The following USH1C variants were observed in gnomAD, a reference collection of about 807,000 sequenced individuals.
USH1C encodes the protein USH1 protein network component harmonin, also known as harmonin.
A neutral mutation model predicts 119.3 loss-of-function variants in USH1C; 90 were observed. The observed-to-expected ratio is 0.75, with a 90% CI of 0.64 to 0.90. The LOEUF (loss-of-function observed/expected upper bound fraction) is 0.90, where lower values mean the gene tolerates loss of function less well. Among genes scored for constraint, USH1C ranks in the 40% least tolerant of loss-of-function variants. USH1C has a pLI of 0.00. For synonymous variants in USH1C, 465 were observed against 443.3 expected (o/e 1.05, Z -0.62); for missense variants, 1,165 against 1,167.7 (o/e 1.00, Z 0.03).
intron 1 of USH1C, among the ~76,000 whole-genome samples, chr11:17,542,497 CTG>C (rs1335327228): frequency 1.3e-5 from 2 of 152,228 alleles, no homozygotes; most frequent in African/African-American, 4.8e-5. Context: ...TAAGTAATGA[CTG>C]TTGCGATGAG....
intron 14 of USH1C, chr11:17,516,576 C>T (rs971149937): frequency 1.1e-5 from 5 of 471,712 alleles, no homozygotes; most frequent in Admixed American, 3.3e-5. Flanking sequence ...AGGGCCAGAA[C>T]ATCAAAGAGA....
At chr11:17,533,147 G>C (rs373059046) in intron 2 of USH1C, 108 bp downstream of exon 2, 3 of 834,098 alleles carry the variant, frequency 3.6e-6, no homozygotes, top group Non-Finnish European at 6.4e-6. Flanking sequence ...TCCAGGAGCC[G>C]TGAGCATCCA....
intron 17 of USH1C, among the ~76,000 whole-genome samples, 187 bp from the exon 18 acceptor site, chr11:17,510,025 G>T (rs756654873): frequency 3.8e-4 from 58 of 152,184 alleles, no homozygotes; most frequent in Admixed American, 1.2e-3. Context: ...CTAGGCTGCT[G>T]TTAGGGAGTG....
chr11:17,495,164 T>A (rs1849201808), intron 26 of USH1C: 1 of 287,694 alleles, frequency 3.5e-6, no homozygotes, highest in Non-Finnish European at 6.8e-6. Context: ...GTTGAGGACA[T>A]CTCTTGGGGG....
chr11:17,506,204 G>A (rs1849643192), intron 18 of USH1C, among the ~76,000 whole-genome samples: 1 of 152,186 alleles, frequency 6.6e-6, no homozygotes, highest in Non-Finnish European at 1.5e-5. Flanking sequence ...GCCTGGCTTG[G>A]GGGTGCCAGC....
chr11:17,509,338 G>A lies in USH1C; in HGVS notation c.2013+18C>T, dbSNP rs376298551. The A allele has an allele frequency of 1.9e-6, 3 of 1,554,036 alleles. No individual in the cohort carries two copies. The highest frequency in any genetic ancestry group is 2.6e-6 in the Non-Finnish European group (3 of 1,144,666). On this transcript the variant is annotated intron_variant, in intron 18 of 26. Transcript: ENST00000005226. ...CTCTTCCTACTTCCAAACATAGCAT[G>A]CAGAACAGGGACATTACCTTTGGGG...
rs1427085382 is a variant in USH1C at position 17,524,498 on chromosome 11, TA to T, written c.711del (p.Phe237LeufsTer5). ...AGGGAGCCAGGTTTCACATGGCTGA[TA>T]AAGATGCCAGGCTTCTGGATGGGGC... is the stretch of plus-strand genomic sequence containing the variant. ...SSGPIQKPGI[F>X]ISHVKPGSLS... On this transcript the variant is annotated frameshift_variant, in exon 9 of 27. Coordinates refer to ENST00000005226, the MANE Select transcript of USH1C (RefSeq NM_153676.4). LOFTEE classifies it high-confidence loss of function. 6.4e-7 allele frequency: 1 copy of T among 1,573,028 alleles called. No individual in the cohort carries two copies. Among genetic ancestry groups the T allele is most frequent in the Non-Finnish European group, 8.6e-7 (1 of 1,157,468 alleles).
At chr11:17,533,387 G>T in intron 1 of USH1C, 65 bp from the exon 2 acceptor site, 2 of 1,200,640 alleles carry the variant, frequency 1.7e-6, no homozygotes, top group Non-Finnish European at 2.4e-6. Context: ...CAGACCTCAG[G>T]GAGGAGAGGT....
chr11:17,521,561 T>C (rs1183907890), intron 12 of USH1C, 150 bp from the exon 13 acceptor site: 3 of 778,252 alleles, frequency 3.9e-6, no homozygotes, highest in African/African-American at 1.7e-5. Context: ...TGGGGGACGT[T>C]ATCTAACAAA....
At position 17,509,845 on chromosome 11, in the gene USH1C, G is replaced by A. The variant is rs748196896; in HGVS notation, c.1531-7C>T. 1.3e-6 allele frequency: 2 copies of A among 1,589,608 alleles called. No homozygotes were observed. The highest frequency in any genetic ancestry group is 3.4e-5 in the Admixed American group (2 of 59,636). On this transcript the variant is annotated splice_polypyrimidine_tract_variant and splice_region_variant and intron_variant, in intron 17 of 26. Transcript: ENST00000005226. The stretch of plus-strand genomic sequence containing the variant: ...GCGGGGGCCCTGTGGTCATCTGGGG[G>A]TGTTGCAAGGAAGTTCTGTAATTGT...
At chr11:17,539,954 C>G (rs1237639375) in intron 1 of USH1C, among the ~76,000 whole-genome samples, 4 of 151,782 alleles carry the variant, frequency 2.6e-5, no homozygotes, top group East Asian at 1.9e-4. Flanking sequence ...GCCTCAACCT[C>G]TCAAGTAGCT....
intron 1 of USH1C, among the ~76,000 whole-genome samples, chr11:17,537,337 G>A (rs906152149): frequency 6.6e-6 from 1 of 152,162 alleles, no homozygotes; most frequent in Admixed American, 6.5e-5. Context: ...TACATACGAA[G>A]CACTAGGCAC....
chr11:17,513,605 G>T (rs1356534972), intron 15 of USH1C, among the ~76,000 whole-genome samples: 1 of 152,160 alleles, frequency 6.6e-6, no homozygotes, highest in African/African-American at 2.4e-5. Flanking sequence ...AGCCTCTCGA[G>T]AAAATGGTTC....
chr11:17,507,211 G>A (rs1022872082), intron 18 of USH1C, among the ~76,000 whole-genome samples: 27 of 152,206 alleles, frequency 1.8e-4, no homozygotes, highest in African/African-American at 6.5e-4. Context: ...AGGAGGGTGG[G>A]TGGTACAAGG....
rs568323406 is a variant in USH1C at position 17,532,577 on chromosome 11, G to C, written c.104+678C>G. Among the ~76,000 whole-genome samples the C allele has an allele frequency of 6.6e-5, 10 of 152,310 alleles. 1 individual carries two copies. The South Asian group carries it at 2.1e-3, about 32-fold the overall frequency. On this transcript the variant is annotated intron_variant, in intron 2 of 26. Transcript: ENST00000005226. ...AGCTTCTCAAAGTTCTGGGATTACA[G>C]GCATGAGCCACCTTGCCTGGCCCCA...
At chr11:17,526,900 C>T in intron 6 of USH1C, 90 bp from the exon 7 acceptor site, 1 of 1,580,618 alleles carries the variant, frequency 6.3e-7, no homozygotes, top group East Asian at 2.3e-5. Flanking sequence ...TGTCTAGAGC[C>T]TCCAGCCTCC....
chr11:17,516,098 C>T (rs994446529), intron 15 of USH1C, 143 bp downstream of exon 15: 2 of 931,626 alleles, frequency 2.1e-6, no homozygotes, highest in Admixed American at 2.0e-5. Flanking sequence ...CAGCCTGACA[C>T]AAAGATGGAG....
chr11:17,520,910 G>C lies in USH1C; in HGVS notation c.1170C>G (p.Ile390Met), dbSNP rs1255544561. Reference sequence around the variant, plus strand: ...GGGGTACTGGGTGTACCTCAGCAGTGATGGTTTTAGGCAAGAGTAGCTGTT... The same window carrying C: ...GGGGTACTGGGTGTACCTCAGCAGTCATGGTTTTAGGCAAGAGTAGCTGTT... ...SKEQLLLPKT[I>M]TAEVHPVPLR... Residue 390 changes from isoleucine (I) to methionine (M), a missense_variant, in exon 14 of 27, where the codon ATC becomes ATG. By Grantham distance (10) the Ile-to-Met change is conservative (BLOSUM62 1). Coordinates refer to ENST00000005226, the MANE Select transcript of USH1C (RefSeq NM_153676.4). The C allele has an allele frequency of 6.2e-7, 1 of 1,614,022 alleles. No homozygotes were observed. Among genetic ancestry groups the C allele is most frequent in the Admixed American group, 1.7e-5 (1 of 60,002 alleles).
intron 26 of USH1C, chr11:17,494,930 G>T (rs756247619): frequency 4.5e-6 from 1 of 222,140 alleles, no homozygotes; most frequent in Non-Finnish European, 9.0e-6. Context: ...ATAGAGCCCA[G>T]AGCCAAGGAA....
Sources: allele counts gnomAD v4.1 joint callset (sites outside exome capture counted in the v4.1 genomes callset), GRCh38; gene constraint gnomAD v4.1.1; transcripts MANE v1.5; gene names NCBI Gene and HGNC (gene_info 2026-07-23, HGNC 2026-07-21).